ERBB2: variants seen among roughly 807,000 people sequenced by gnomAD.
ERBB2 encodes erb-b2 receptor tyrosine kinase 2, also known as receptor tyrosine-protein kinase erbB-2.
A neutral mutation model predicts 149.0 loss-of-function variants in ERBB2; 61 were observed. The ratio of observed to expected loss-of-function variants is 0.41; its 90% CI spans 0.33 to 0.51. ERBB2 has a LOEUF of 0.51. Ranked by LOEUF, ERBB2 falls within the 20% of genes least tolerant of loss-of-function variation. The pLI is 0.25. For missense variants in ERBB2, 1,205 were observed against 1,655.1 expected (o/e 0.73, Z 4.72); for synonymous variants, 633 against 678.8 (o/e 0.93, Z 1.05).
At chr17:39,708,940 A>C (rs1211540434) in intron 3 of ERBB2, among the ~76,000 whole-genome samples, 1 of 152,160 alleles carries the variant, frequency 6.6e-6, no homozygotes, top group Non-Finnish European at 1.5e-5. Context: ...TCTACATATG[A>C]GAAAACTGAG....
intron 14 of ERBB2, 144 bp from the exon 15 acceptor site, chr17:39,717,176 G>C: frequency 1.6e-6 from 1 of 612,292 alleles, no homozygotes; most frequent in Non-Finnish European, 2.7e-6. Context: ...TGGGTGAAGA[G>C]CAAGGGTGTT....
In ERBB2 at chr17:39,706,589, G is replaced by A. The variant is rs1324765338; in HGVS notation, c.74-401G>A. 2.0e-5 allele frequency among the ~76,000 whole-genome samples: 3 copies of A among 152,118 alleles called. No homozygotes were observed. In the East Asian group the frequency reaches 5.8e-4, roughly 29 times the overall value. On this transcript the variant is annotated intron_variant, in intron 1 of 26. Coordinates refer to ENST00000269571, the MANE Select transcript of ERBB2 (RefSeq NM_004448.4). ...TTTGTTTGCTTGGGAGAGGGGCAGG[G>A]GGTATCCAGAAGATTCATGATTCGT...
intron 1 of ERBB2, among the ~76,000 whole-genome samples, chr17:39,700,862 G>A (rs1447231854): frequency 6.6e-6 from 1 of 152,048 alleles, no homozygotes; most frequent in Non-Finnish European, 1.5e-5. Context: ...ATAGCAACCT[G>A]TCCCAACCAG....
chr17:39,713,737 A>G (rs113231716), intron 9 of ERBB2, among the ~76,000 whole-genome samples: 5,777 of 145,534 alleles, frequency 0.04, 173 homozygotes, highest in African/African-American at 0.085. Context: ...TGGGCGACAG[A>G]GTGAGACCCT....
Position 39,707,151 on chromosome 17 carries a change from G to T in ERBB2, c.225+10G>T, listed in dbSNP as rs371270269. 1.9e-6 allele frequency: 3 copies of T among 1,550,228 alleles called. No individual in the cohort carries two copies. The highest frequency in any genetic ancestry group is 2.8e-5 in the African/African-American group (2 of 72,430). On this transcript the variant is annotated intron_variant, in intron 2 of 26. Transcript: ENST00000269571. ...CCTGTCCTTCCTGCAGGTGAGGCCC[G>T]TGGGCAACCCAGCCAGGCCCTGCCT...
At chr17:39,710,503 A>G (rs1280929551) in intron 7 of ERBB2, 22 bp downstream of exon 7, 3 of 1,613,394 alleles carry the variant, frequency 1.9e-6, no homozygotes, top group African/African-American at 2.7e-5. Flanking sequence ...GGAGAAACAC[A>G]GTTTTCTCAT....
At chr17:39,717,769 A>T in intron 15 of ERBB2, 1 of 225,170 alleles carries the variant, frequency 4.4e-6, no homozygotes, top group Non-Finnish European at 8.8e-6. Flanking sequence ...TTCTCCAGTT[A>T]TTTTTATCTG....
In ERBB2 at chr17:39,728,032, C is replaced by T. The variant is rs775687641; in HGVS notation, c.3756C>T (p.Asp1252=). Residue 1252 remains aspartate, a synonymous_variant, in exon 27 of 27, where the codon GAC becomes GAT. Transcript: ENST00000269571. ...TAENPEYLGL[D]VPV ...AGAACCCAGAGTACCTGGGTCTGGA[C>T]GTGCCAGTGTGAACCAGAAGGCCAA... 15 of 1,590,740 alleles carry T rather than the reference C, an allele frequency of 9.4e-6. No homozygotes were observed. Among genetic ancestry groups the T allele is most frequent in the Middle Eastern group, 1.7e-4 (1 of 6,006 alleles).
chr17:39,694,267 ATGTGTG>A (rs1245908795), upstream of ERBB2, among the ~76,000 whole-genome samples: 5 of 25,614 alleles, frequency 2.0e-4, no homozygotes, highest in South Asian at 1.5e-3. Context: ...ATATATATAT[ATGTGTG>A]TATATATATA....
rs761983650 is a variant in ERBB2 at position 39,716,434 on chromosome 17, G to T, written c.1646+1G>T. ...TGGAGGAATGCCGAGTACTGCAGGG[G>T]TATGAGGGGCGGAGGAGAGGGTGGC... is the stretch of plus-strand genomic sequence containing the variant. On this transcript the variant is annotated splice_donor_variant, in intron 13 of 26. Coordinates refer to ENST00000269571, the MANE Select transcript of ERBB2 (RefSeq NM_004448.4). LOFTEE classifies it high-confidence loss of function. 1 of 1,612,656 alleles carries T rather than the reference G, an allele frequency of 6.2e-7. No individual in the cohort carries two copies. Among genetic ancestry groups the T allele is most frequent in the Non-Finnish European group, 8.5e-7 (1 of 1,178,884 alleles).
rs1302685207 is a variant in ERBB2, at chr17:39,708,385, AGAGGCTGCGGATTGTGC to A, written c.296_312del (p.Leu99HisfsTer5). On this transcript the variant is annotated frameshift_variant, in exon 3 of 27. Transcript: ENST00000269571. LOFTEE classifies it high-confidence loss of function. ...AACCAAGTGAGGCAGGTCCCACTGC[AGAGGCTGCGGATTGTGC>A]GAGGCACCCAGCTCTTTGAGGACAA... 1 of 1,614,198 alleles carries A rather than the reference AGAGGCTGCGGATTGTGC, an allele frequency of 6.2e-7. No homozygotes were observed. The highest frequency in any genetic ancestry group is 8.5e-7 in the Non-Finnish European group (1 of 1,180,026).
chr17:39,704,427 G>T (rs998913303), intron 1 of ERBB2, among the ~76,000 whole-genome samples: 2 of 152,108 alleles, frequency 1.3e-5, no homozygotes, highest in African/African-American at 4.8e-5. Flanking sequence ...ACAAAAATTA[G>T]CCAGGTGTGG....
intron 12 of ERBB2, 155 bp downstream of exon 12, chr17:39,716,094 C>A: frequency 1.0e-6 from 1 of 985,982 alleles, no homozygotes; most frequent in Non-Finnish European, 1.5e-6. Context: ...GGCCTCTTGG[C>A]ATGGCTTCTC....
rs2058820813 is a variant in ERBB2 at position 39,711,897 on chromosome 17, G to C, written c.902-31G>C. The C allele has an allele frequency of 2.5e-6, 4 of 1,613,624 alleles. No homozygotes were observed. In the East Asian group the frequency reaches 8.9e-5, roughly 36 times the overall value. ...TCATGGTGGTGCACGAAGGGCCAGG[G>C]TATGTGGCTACATGTTCCTGATCTC... On this transcript the variant is annotated intron_variant, in intron 7 of 26. Coordinates refer to ENST00000269571, the MANE Select transcript of ERBB2 (RefSeq NM_004448.4).
chr17:39,716,059 G>T, intron 12 of ERBB2, 120 bp downstream of exon 12: 1 of 1,138,558 alleles, frequency 8.8e-7, no homozygotes, highest in South Asian at 1.5e-5. Flanking sequence ...CACCCTTCTT[G>T]ACTCAGCACA....
upstream of ERBB2, among the ~76,000 whole-genome samples, chr17:39,694,194 A>G (rs1293488040): frequency 1.8e-4 from 1 of 5,588 alleles, no homozygotes; most frequent in Non-Finnish European, 5.7e-4. Context: ...TCTGTCTCAG[A>G]AAAAAAAAAA....
chr17:39,695,817 C>T (rs1428120501), upstream of ERBB2, among the ~76,000 whole-genome samples: 2 of 148,746 alleles, frequency 1.3e-5, no homozygotes, highest in South Asian at 2.1e-4. Context: ...TTTCACAGGC[C>T]GCTGGTTGCA....
chr17:39,710,850 G>A (rs2058754158), intron 7 of ERBB2, among the ~76,000 whole-genome samples: 1 of 152,210 alleles, frequency 6.6e-6, no homozygotes, highest in African/African-American at 2.4e-5. Context: ...ACGGTGCCTG[G>A]TATGTACTAA....
In ERBB2 at chr17:39,726,602, G is replaced by T; in HGVS notation, c.2913G>T (p.Glu971Asp). 7 of 1,614,208 alleles carry T rather than the reference G, an allele frequency of 4.3e-6. No homozygotes were observed. Among genetic ancestry groups the T allele is most frequent in the Non-Finnish European group, 5.1e-6 (6 of 1,180,030 alleles). The change falls in exon 24 of 27, where the codon GAG (glutamate) becomes GAT (aspartate). Residue 971 changes from glutamate to aspartate, a missense_variant. Coordinates refer to ENST00000269571, the MANE Select transcript of ERBB2 (RefSeq NM_004448.4). The surrounding 1 kb of genome is among the most constrained non-coding windows in gnomAD (Gnocchi z 5.1). ...CTGAATGTCGGCCAAGATTCCGGGAGTTGGTGTCTGAATTCTCCCGCATGG... is the reference window on the plus strand; with the variant it reads ...CTGAATGTCGGCCAAGATTCCGGGATTTGGTGTCTGAATTCTCCCGCATGG... ...IDSECRPRFR[E>D]LVSEFSRMAR...
Sources: allele counts gnomAD v4.1 joint callset (sites outside exome capture counted in the v4.1 genomes callset), GRCh38; gene constraint gnomAD v4.1.1; non-coding constraint Gnocchi (gnomAD v3.1); transcripts MANE v1.5; gene names NCBI Gene and HGNC (gene_info 2026-07-23, HGNC 2026-07-21).